The following LRP8 variants were observed in gnomAD, a reference collection of about 807,000 sequenced individuals.
LRP8 encodes the protein LDL receptor related protein 8, also known as low-density lipoprotein receptor-related protein 8.
A neutral mutation model predicts 111.6 loss-of-function variants in LRP8; 46 were observed. That is an observed-to-expected ratio of 0.41 (90% CI 0.33 to 0.53). LRP8 has a LOEUF of 0.53. Ranked by LOEUF, LRP8 falls within the 20% of genes least tolerant of loss-of-function variation. LRP8 has a pLI of 0.20. For synonymous variants in LRP8, 464 were observed against 511.2 expected, an observed-to-expected ratio of 0.91 and a Z score of 1.24; for missense variants, 959 against 1,297.4, an observed-to-expected ratio of 0.74 and a Z score of 4.01.
chr1:53,266,388 G>A lies in LRP8; in HGVS notation c.1427+85C>T. 1 of 1,414,700 alleles carries A rather than the reference G, an allele frequency of 7.1e-7. No individual in the cohort carries two copies. The allele number at this position is 1,414,700 out of a possible 1,614,324, so 87.6% of individuals were successfully genotyped here. A position where few individuals can be genotyped will look rare whatever the true frequency, so the allele number is the denominator to read the frequency against. Reference sequence around the variant, plus strand: ...AACTCTGTCCTGAGGAGCTCTAGAGGCAGACACCACTCCTCCCCTCCTCAC... The same window carrying A: ...AACTCTGTCCTGAGGAGCTCTAGAGACAGACACCACTCCTCCCCTCCTCAC... On this transcript the variant is annotated intron_variant, in intron 9 of 18. Transcript: ENST00000306052. The surrounding 1 kb of genome is among the most constrained non-coding windows in gnomAD (Gnocchi z 5.0).
In LRP8 at chr1:53,245,295, T is replaced by G. The variant is rs1337043225; in HGVS notation, c.*1723A>C. 1 of 152,220 alleles carries G rather than the reference T, an allele frequency of 6.6e-6. No homozygotes were observed. The highest frequency in any genetic ancestry group is 1.9e-4 in the East Asian group (1 of 5,204). The allele number at this position is 152,220 out of a possible 1,614,324, so 9.4% of individuals were successfully genotyped here. On this transcript the variant is annotated 3_prime_UTR_variant, in exon 19 of 19. Transcript: ENST00000306052. ...TAGATGCAGCTCCTCTGCTCCTACT[T>G]AAGTCAAACACTTCCATGTTGCACC...
In LRP8 at chr1:53,262,724, G is replaced by GCA. The variant is rs1646391523; in HGVS notation, c.1656-162_1656-161dup. On this transcript the variant is annotated intron_variant, in intron 10 of 18. Coordinates refer to ENST00000306052, the MANE Select transcript of LRP8 (RefSeq NM_004631.5). This position sits in a 1 kb window ranked among gnomAD's most constrained non-coding sequence, Gnocchi z 4.8. ...TTTGAACCATCAAATCTTAGATTTA[G>GCA]CAGGCACTTTAGCCTTCACCTCATT... Among the ~76,000 whole-genome samples, 1 of 152,322 alleles carries GCA rather than the reference G, an allele frequency of 6.6e-6. No individual in the cohort carries two copies.
intron 4 of LRP8, among the ~76,000 whole-genome samples, chr1:53,277,989 C>CACG (rs1454269803): frequency 6.6e-6 from 1 of 152,170 alleles, no homozygotes; most frequent in African/African-American, 2.4e-5. Flanking sequence ...ATTAAGGACA[C>CACG]ACGTCATGGC....
intron 2 of LRP8, among the ~76,000 whole-genome samples, chr1:53,311,781 C>T (rs1308913610): frequency 6.6e-6 from 1 of 152,226 alleles, no homozygotes; most frequent in Non-Finnish European, 1.5e-5. Flanking sequence ...GCCACGGCCA[C>T]AGCCCAGCCA....
chr1:53,303,706 T>C lies in LRP8; in HGVS notation c.245-14017A>G, dbSNP rs1374428992. Among the ~76,000 whole-genome samples, 2 of 152,170 alleles carry C rather than the reference T, an allele frequency of 1.3e-5. No individual in the cohort carries two copies. Among genetic ancestry groups the C allele is most frequent in the African/African-American group, 4.8e-5 (2 of 41,446 alleles). ...AACAGAACAAAACCCTAGAAGCTTC[T>C]AATCTAATCCAGGCACCAGGAGTGG... On this transcript the variant is annotated intron_variant, in intron 2 of 18. Transcript: ENST00000306052. This position sits in a 1 kb window ranked among gnomAD's most constrained non-coding sequence, Gnocchi z 4.3.
intron 2 of LRP8, among the ~76,000 whole-genome samples, chr1:53,325,599 A>C (rs1313380336): frequency 1.3e-5 from 2 of 152,260 alleles, no homozygotes. Context: ...TCTGCCACGC[A>C]CAAGACACAA....
chr1:53,249,522 T>C lies in LRP8; in HGVS notation c.2711A>G (p.Glu904Gly), dbSNP rs781542445. The C allele has an allele frequency of 1.9e-6, 3 of 1,611,916 alleles. No homozygotes were observed. Among genetic ancestry groups the C allele is most frequent in the Non-Finnish European group, 2.5e-6 (3 of 1,178,654 alleles). Residue 904 changes from glutamate to glycine, a missense_variant, in exon 18 of 19, where the codon GAG (glutamate) becomes GGG (glycine). Physicochemically the swap from Glu to Gly is moderately conservative, Grantham distance 98 (BLOSUM62 -2). Around this residue, in one of 3 missense-constraint regions of LRP8, gnomAD observed 819 missense variants for 1,097.6 expected, o/e 0.75. Transcript: ENST00000306052. The surrounding 1 kb of genome is among the most constrained non-coding windows in gnomAD (Gnocchi z 4.1). ...TTCTCTGGTCTCCCCAAGACAGGGC[T>C]CTGCCCACAGTGGGCGATCAAAGCT... ...ISSFDRPLWA[E>G]PCLGETREPE...
chr1:53,263,562 A>C (rs569343940), intron 10 of LRP8, among the ~76,000 whole-genome samples: 15 of 152,312 alleles, frequency 9.8e-5, no homozygotes, highest in South Asian at 8.3e-4. Flanking sequence ...GAGCAGGGCA[A>C]CCTAGGTGGT....
Position 53,293,054 on chromosome 1 carries a change from G to A in LRP8, c.245-3365C>T, listed in dbSNP as rs1362889820. On this transcript the variant is annotated intron_variant, in intron 2 of 18. Transcript: ENST00000306052. The surrounding 1 kb of genome is among the most constrained non-coding windows in gnomAD (Gnocchi z 4.9). The stretch of plus-strand genomic sequence containing the variant: ...TAGGCAAGTCTGGCAAGGATGTGTG[G>A]TCAGACAGTGCCCAAAACAGCAGGG... 6.6e-6 allele frequency among the ~76,000 whole-genome samples: 1 copy of A among 152,214 alleles called. No homozygotes were observed. The highest frequency in any genetic ancestry group is 2.4e-5 in the African/African-American group (1 of 41,448).
intron 9 of LRP8, among the ~76,000 whole-genome samples, chr1:53,264,727 G>T (rs1248056919): frequency 6.6e-6 from 1 of 152,180 alleles, no homozygotes; most frequent in Admixed American, 6.5e-5. Flanking sequence ...GCGGGAGAAG[G>T]CTTTATAGTT....
intron 1 of LRP8, 21 bp downstream of exon 1, chr1:53,327,757 GCAGAGCCGAGT>G: frequency 6.7e-7 from 1 of 1,481,536 alleles, no homozygotes; most frequent in Middle Eastern, 2.3e-4. Flanking sequence ...CTAGGGCGGA[GCAGAGCCGAGT>G]CAGAGACCGG....
intron 2 of LRP8, among the ~76,000 whole-genome samples, chr1:53,324,184 CCTCCATCCCAGGTTTAATAAAGAG>C (rs1486224689): frequency 6.6e-6 from 1 of 152,192 alleles, no homozygotes; most frequent in South Asian, 2.1e-4. Context: ...ACCTATCACC[CCTCCATCCCAGGTTTAATAAAGAG>C]CTCCTCAGGG....
chr1:53,257,442 C>T lies in LRP8; in HGVS notation c.2232G>A (p.Thr744=), dbSNP rs370572809. Residue 744 remains threonine (T), a synonymous_variant, in exon 15 of 19, where the codon ACG becomes ACA. Coordinates refer to ENST00000306052, the MANE Select transcript of LRP8 (RefSeq NM_004631.5). ...TCCTCGTCATGGTAGAAGCTAACGT[C>T]GTAGTTGAGGTAGATTGAGGTGCTG... ...CYRAPQSTST[T]TLASTMTRTV... The T allele has an allele frequency of 6.3e-5, 102 of 1,613,912 alleles. No homozygotes were observed. The highest frequency in any genetic ancestry group is 1.6e-4 in the Middle Eastern group (1 of 6,084).
rs1248348712 is a variant in LRP8, at chr1:53,294,628, TG to T, written c.245-4940del. On this transcript the variant is annotated intron_variant, in intron 2 of 18. Coordinates refer to ENST00000306052, the MANE Select transcript of LRP8 (RefSeq NM_004631.5). This position sits in a 1 kb window ranked among gnomAD's most constrained non-coding sequence, Gnocchi z 4.1. ...TTAGAGGTGTGTGAAGTCACAGCCC[TG>T]GCCCCAGCTGCCGTGTGTGTAACAC... Among the ~76,000 whole-genome samples, 1 of 152,224 alleles carries T rather than the reference TG, an allele frequency of 6.6e-6. No individual in the cohort carries two copies. The highest frequency in any genetic ancestry group is 1.5e-5 in the Non-Finnish European group (1 of 68,038).
At chr1:53,263,074 G>A (rs1251169840) in intron 10 of LRP8, among the ~76,000 whole-genome samples, 1 of 152,182 alleles carries the variant, frequency 6.6e-6, no homozygotes, top group African/African-American at 2.4e-5. Flanking sequence ...TGATTATCTT[G>A]AGTATGCAGT....
At position 53,245,800 on chromosome 1, in the gene LRP8, A is replaced by G. The variant is rs1645713620; in HGVS notation, c.*1218T>C. 1 of 152,620 alleles carries G rather than the reference A, an allele frequency of 6.6e-6. No individual in the cohort carries two copies. The highest frequency in any genetic ancestry group is 2.4e-5 in the African/African-American group (1 of 41,426). The allele number at this position is 152,620 out of a possible 1,614,324, so 9.5% of individuals were successfully genotyped here. A position where few individuals can be genotyped will look rare whatever the true frequency, so the allele number is the denominator to read the frequency against. On this transcript the variant is annotated 3_prime_UTR_variant, in exon 19 of 19. Coordinates refer to ENST00000306052, the MANE Select transcript of LRP8 (RefSeq NM_004631.5). ...AGAGTAAGGGGAAAAGAGAAATAAGAGATGTGATAAAACCTATTCCACCAT... is the reference window on the plus strand; with the variant it reads ...AGAGTAAGGGGAAAAGAGAAATAAGGGATGTGATAAAACCTATTCCACCAT...
intron 2 of LRP8, among the ~76,000 whole-genome samples, chr1:53,299,666 A>G (rs968039900): frequency 6.6e-6 from 1 of 152,074 alleles, no homozygotes; most frequent in Non-Finnish European, 1.5e-5. Context: ...TTAAAGTATC[A>G]CTCTGTGATA....
At chr1:53,254,667 TA>T (rs1318917879) in intron 16 of LRP8, among the ~76,000 whole-genome samples, 1 of 152,180 alleles carries the variant, frequency 6.6e-6, no homozygotes, top group Non-Finnish European at 1.5e-5. Flanking sequence ...AGCTGCTTAA[TA>T]AATACTTGTT....
intron 6 of LRP8, 39 bp from the exon 7 acceptor site, chr1:53,271,385 A>C (rs753669470): frequency 6.2e-7 from 1 of 1,613,266 alleles, no homozygotes; most frequent in Non-Finnish European, 8.5e-7. Context: ...CCAGGAGCCC[A>C]GGAGGAGTGG....
Sources: allele counts gnomAD v4.1 joint callset (sites outside exome capture counted in the v4.1 genomes callset), GRCh38; gene constraint gnomAD v4.1.1; regional missense constraint gnomAD v4.1.1; non-coding constraint Gnocchi (gnomAD v3.1); transcripts MANE v1.5; gene names NCBI Gene and HGNC (gene_info 2026-07-23, HGNC 2026-07-21).